ANKRD36C: variants seen among roughly 807,000 people sequenced by gnomAD.
ANKRD36C encodes the protein ankyrin repeat domain 36C.
Under a neutral mutation model 276.4 loss-of-function variants are expected in ANKRD36C, and 61 were observed. The ratio of observed to expected loss-of-function variants is 0.22; its 90% CI spans 0.18 to 0.27. The LOEUF (loss-of-function observed/expected upper bound fraction) is 0.27, where lower values mean the gene tolerates loss of function less well. ANKRD36C is among the 10% of genes least tolerant of loss of function. The pLI is 1.00. For synonymous variants in ANKRD36C, 483 were observed against 680.1 expected (o/e 0.71, Z 4.51); for missense variants, 1,447 against 2,032.3 (o/e 0.71, Z 5.54).
chr2:95,960,966 T>C (rs1488028019), intron 8 of ANKRD36C, among the ~76,000 whole-genome samples: 1 of 152,094 alleles, frequency 6.6e-6, no homozygotes, highest in Non-Finnish European at 1.5e-5. Context: ...AGGACAAATG[T>C]GATCTAAAAT....
rs554843944 is a variant in ANKRD36C at position 95,891,623 on chromosome 2, T to G, written c.2857+42A>C. 3.3e-6 allele frequency: 5 copies of G among 1,534,256 alleles called. No homozygotes were observed. In the South Asian group the frequency reaches 6.0e-5, roughly 18 times the overall value. On this transcript the variant is annotated intron_variant, in intron 46 of 66. Coordinates refer to ENST00000456556, the Ensembl canonical transcript of ANKRD36C. ...TATTCAGGGAAGAGAATTTCTTATC[T>G]ATCTGCACTGAACATGACATTAAAT...
chr2:95,853,901 C>T (rs1558615208), intron 63 of ANKRD36C, 40 bp from the exon 84 acceptor site: 1 of 1,577,682 alleles, frequency 6.3e-7, no homozygotes, highest in African/African-American at 1.4e-5. Flanking sequence ...TTACAAATCA[C>T]CTTATTATTA....
At chr2:95,910,427 C>T (rs1241287192) in intron 42 of ANKRD36C, 2 of 1,561,060 alleles carry the variant, frequency 1.3e-6, no homozygotes, top group East Asian at 2.4e-5. Context: ...AAAACAGAAT[C>T]TTCCTCGTCA....
intron 24 of ANKRD36C, among the ~76,000 whole-genome samples, chr2:95,934,364 C>T (rs34210967): frequency 1.3e-5 from 2 of 151,988 alleles, no homozygotes; most frequent in Admixed American, 6.6e-5. Context: ...GAATGCCCAT[C>T]AGTGATAGAC....
intron 60 of ANKRD36C, among the ~76,000 whole-genome samples, chr2:95,866,613 T>A (rs1413654471): frequency 6.6e-6 from 1 of 152,030 alleles, no homozygotes; most frequent in Admixed American, 6.6e-5. Flanking sequence ...AACTAAAATT[T>A]AAAAAAATAA....
At chr2:95,886,109 G>A (rs757134049) in exon 52 of ANKRD36C, 2 of 1,609,772 alleles carry the variant, frequency 1.2e-6, no homozygotes, top group South Asian at 1.1e-5. Flanking sequence ...AATCTTTCTT[G>A]ACACTTGTAG....
At chr2:95,869,967 C>A (rs1229560140) in intron 59 of ANKRD36C, among the ~76,000 whole-genome samples, 1 of 152,362 alleles carries the variant, frequency 6.6e-6, no homozygotes, top group South Asian at 2.1e-4. Context: ...GGGAGGGGCA[C>A]CTGCCATTGC....
At position 95,920,623 on chromosome 2, in the gene ANKRD36C, C is replaced by T. The variant is rs188824692; in HGVS notation, c.2245+984G>A. Among the ~76,000 whole-genome samples the T allele has an allele frequency of 5.3e-5, 7 of 132,610 alleles. 1 individual carries two copies. Among genetic ancestry groups the T allele is most frequent in the South Asian group, 4.6e-4 (2 of 4,384 alleles). 87.0% of individuals were successfully genotyped at this position (132,610 alleles called of 152,430 possible). A position where few individuals can be genotyped will look rare whatever the true frequency, so the allele number is the denominator to read the frequency against. On this transcript the variant is annotated intron_variant, in intron 34 of 66. Transcript: ENST00000456556. ...TTAGCCTCAATAAAAATATCATCAA[C>T]TATCAATTTTGACATACTTCTACAA...
chr2:95,974,941 A>G (rs1678775576), intron 6 of ANKRD36C, among the ~76,000 whole-genome samples: 1 of 151,274 alleles, frequency 6.6e-6, no homozygotes, highest in East Asian at 1.9e-4. Context: ...GCTTAGAATG[A>G]TGGTTTCCAG....
rs962955081 is a variant in ANKRD36C at position 95,862,851 on chromosome 2, C to T, written c.3683-2777G>A. ...AACAGACCCCAGATCTCCTTCACCC[C>T]TTCTGCCAAGTGAGGGCACAGAGAA... On this transcript the variant is annotated intron_variant, in intron 60 of 66. Coordinates refer to ENST00000456556, the Ensembl canonical transcript of ANKRD36C. 2.0e-5 allele frequency among the ~76,000 whole-genome samples: 3 copies of T among 151,966 alleles called. No individual in the cohort carries two copies. In the East Asian group the frequency reaches 5.8e-4, roughly 29 times the overall value.
chr2:95,883,139 G>C (rs919498212), intron 54 of ANKRD36C, among the ~76,000 whole-genome samples: 1 of 151,936 alleles, frequency 6.6e-6, no homozygotes, highest in African/African-American at 2.4e-5. Context: ...GCTACAGAAA[G>C]GTTCTTCATC....
chr2:95,959,153 C>A (rs909207074), intron 10 of ANKRD36C, among the ~76,000 whole-genome samples: 1 of 152,290 alleles, frequency 6.6e-6, no homozygotes, highest in Non-Finnish European at 1.5e-5. Context: ...AATGCTCCTG[C>A]ATGTTTTTCA....
intron 42 of ANKRD36C, 42 bp from the exon 53 acceptor site, chr2:95,903,123 T>C: frequency 3.2e-6 from 5 of 1,546,700 alleles, no homozygotes; most frequent in Non-Finnish European, 4.4e-6. Context: ...TATGTAAAAA[T>C]GACAAAATTA....
intron 42 of ANKRD36C, 97 bp from the exon 53 acceptor site, chr2:95,903,178 C>T: frequency 6.6e-7 from 1 of 1,512,440 alleles, no homozygotes; most frequent in Non-Finnish European, 8.9e-7. Flanking sequence ...GTCCTCCTGC[C>T]TGTATTAGCG....
At chr2:95,917,046 T>C (rs530481373) in intron 36 of ANKRD36C, among the ~76,000 whole-genome samples, 11 of 151,762 alleles carry the variant, frequency 7.2e-5, no homozygotes, top group Admixed American at 3.9e-4. Flanking sequence ...GGTTGTTCTC[T>C]AAAGAAGTTT....
chr2:95,852,165 G>C, exon 65 of ANKRD36C: 1 of 1,608,488 alleles, frequency 6.2e-7, no homozygotes, highest in Non-Finnish European at 8.5e-7. Context: ...ACATCTTATA[G>C]TAGCTGTAAG....
intron 66 of ANKRD36C, 76 bp downstream of exon 86, chr2:95,851,618 C>CA: frequency 8.0e-7 from 1 of 1,250,618 alleles, no homozygotes; most frequent in Admixed American, 2.1e-5. Flanking sequence ...GCATTTTGGA[C>CA]AAGGGATATT....
chr2:95,891,090 A>T (rs1676340758), intron 46 of ANKRD36C, among the ~76,000 whole-genome samples: 1 of 151,462 alleles, frequency 6.6e-6, no homozygotes, highest in African/African-American at 2.4e-5. Context: ...GCCAAAATCA[A>T]ATATTTGTTA....
intron 44 of ANKRD36C, 38 bp downstream of exon 59, chr2:95,897,398 AC>A (rs1440159318): frequency 6.5e-7 from 1 of 1,547,000 alleles, no homozygotes; most frequent in African/African-American, 1.4e-5. Flanking sequence ...CATAGACTAT[AC>A]ATTTACTAGT....
Sources: allele counts gnomAD v4.1 joint callset (sites outside exome capture counted in the v4.1 genomes callset), GRCh38; gene constraint gnomAD v4.1.1; transcripts MANE v1.5; gene names NCBI Gene and HGNC (gene_info 2026-07-23, HGNC 2026-07-21).